The following THSD7B variants were observed in gnomAD, a reference collection of about 807,000 sequenced individuals.
THSD7B encodes thrombospondin type 1 domain containing 7B, also known as thrombospondin type-1 domain-containing protein 7B.
In THSD7B, 138 loss-of-function variants were observed where a neutral mutation model predicts 213.6. The observed-to-expected ratio is 0.65, with a 90% CI of 0.56 to 0.74. The LOEUF (loss-of-function observed/expected upper bound fraction) is 0.74. Among genes scored for constraint, THSD7B ranks in the 30% least tolerant of loss-of-function variants. The probability of loss-of-function intolerance (pLI) is 0.00; values close to 1 mark genes in which losing one functional copy is unlikely to be tolerated. For synonymous variants in THSD7B, 742 were observed against 687.0 expected (o/e 1.08, Z -1.25); for missense variants, 1,931 against 1,991.5 (o/e 0.97, Z 0.58).
intron 21 of THSD7B, among the ~76,000 whole-genome samples, chr2:137,651,311 A>G (rs1573766652): frequency 6.6e-6 from 1 of 152,006 alleles, no homozygotes; most frequent in South Asian, 2.1e-4. Context: ...TAGGTTGTGT[A>G]TGTCCAGGAA....
chr2:137,250,559 C>T (rs920386826), intron 10 of THSD7B, among the ~76,000 whole-genome samples: 10 of 152,190 alleles, frequency 6.6e-5, no homozygotes, highest in Admixed American at 3.3e-4. Context: ...ACCAAAACCA[C>T]ATGGAATCCT....
At chr2:137,431,601 TG>T (rs1444537463) in intron 14 of THSD7B, among the ~76,000 whole-genome samples, 1 of 152,226 alleles carries the variant, frequency 6.6e-6, no homozygotes, top group Non-Finnish European at 1.5e-5. Flanking sequence ...TGTAATGTTA[TG>T]CCAGAGTAAG....
chr2:136,830,123 C>T (rs1377382269), intron 1 of THSD7B, among the ~76,000 whole-genome samples: 4 of 151,338 alleles, frequency 2.6e-5, no homozygotes, highest in Non-Finnish European at 5.9e-5. Flanking sequence ...TGCCTGTGCG[C>T]GCACACACAC....
intron 1 of THSD7B, among the ~76,000 whole-genome samples, chr2:136,800,065 T>C (rs926650509): frequency 6.6e-6 from 1 of 152,064 alleles, no homozygotes; most frequent in African/African-American, 2.4e-5. Flanking sequence ...TGTGATGCTT[T>C]ATAGAAAATT....
chr2:137,482,398 T>C (rs1352602994), intron 15 of THSD7B, among the ~76,000 whole-genome samples: 2 of 152,238 alleles, frequency 1.3e-5, no homozygotes, highest in Admixed American at 6.5e-5. Flanking sequence ...TTTGTTTATT[T>C]ACTGTAGGAC....
At chr2:137,629,282 C>T (rs1209616142) in intron 20 of THSD7B, among the ~76,000 whole-genome samples, 2 of 152,136 alleles carry the variant, frequency 1.3e-5, no homozygotes, top group African/African-American at 4.8e-5. Context: ...TGCAAGGAGA[C>T]AAGAAATCTG....
rs556761387 is a variant in THSD7B, at chr2:137,582,623, G to A, written c.3423+10067G>A. On this transcript the variant is annotated intron_variant, in intron 17 of 27. Coordinates refer to ENST00000409968, the MANE Select transcript of THSD7B (RefSeq NM_001316349.2). ...TTTGTCCTTGTGATAGTTTGCTGAGGATGATGGTTTCCAGCTTCATCCACA... is the reference window on the plus strand; with the variant it reads ...TTTGTCCTTGTGATAGTTTGCTGAGAATGATGGTTTCCAGCTTCATCCACA... Among the ~76,000 whole-genome samples the A allele has an allele frequency of 3.9e-5, 6 of 151,994 alleles. No individual in the cohort carries two copies. The South Asian group carries it at 6.2e-4, about 16-fold the overall frequency.
At chr2:137,082,330 C>G (rs921092204) in intron 3 of THSD7B, among the ~76,000 whole-genome samples, 1 of 151,974 alleles carries the variant, frequency 6.6e-6, no homozygotes, top group African/African-American at 2.4e-5. Context: ...TGTTCTGTCT[C>G]TAGTAATGGA....
At chr2:137,189,698 G>A (rs749430126) in intron 7 of THSD7B, among the ~76,000 whole-genome samples, 4 of 151,710 alleles carry the variant, frequency 2.6e-5, no homozygotes, top group African/African-American at 7.3e-5. Context: ...TTTTTGTTGC[G>A]ATTGCTTTTA....
chr2:137,200,139 T>A (rs767535704), intron 7 of THSD7B, among the ~76,000 whole-genome samples: 36 of 152,178 alleles, frequency 2.4e-4, no homozygotes, highest in Non-Finnish European at 1.5e-4. Context: ...CCTTAGATGT[T>A]TCAGAAATAT....
At chr2:137,385,978 G>A (rs780833453) in intron 12 of THSD7B, among the ~76,000 whole-genome samples, 12 of 152,214 alleles carry the variant, frequency 7.9e-5, no homozygotes, top group Non-Finnish European at 1.3e-4. Context: ...GCAGCCTGAT[G>A]TAGTGTCATT....
intron 12 of THSD7B, among the ~76,000 whole-genome samples, chr2:137,390,983 G>A (rs937484924): frequency 1.3e-5 from 2 of 151,686 alleles, no homozygotes; most frequent in African/African-American, 4.8e-5. Context: ...TTGTAGTGTG[G>A]TATGGGGTGT....
intron 2 of THSD7B, among the ~76,000 whole-genome samples, chr2:137,007,925 G>A (rs1311862588): frequency 6.6e-6 from 1 of 152,034 alleles, no homozygotes; most frequent in African/African-American, 2.4e-5. Context: ...TATAAAACAT[G>A]GACAAATATG....
chr2:136,845,389 A>C (rs1682991078), intron 1 of THSD7B, among the ~76,000 whole-genome samples: 1 of 152,218 alleles, frequency 6.6e-6, no homozygotes, highest in South Asian at 2.1e-4. Context: ...AAGGATGAGA[A>C]GCCGTGATAA....
intron 3 of THSD7B, among the ~76,000 whole-genome samples, chr2:137,062,728 A>T (rs1438458025): frequency 6.6e-6 from 1 of 151,790 alleles, no homozygotes; most frequent in Non-Finnish European, 1.5e-5. Context: ...GCCCAGAAAT[A>T]TGGCTTATCT....
intron 12 of THSD7B, among the ~76,000 whole-genome samples, chr2:137,364,842 TC>T (rs1203454494): frequency 7.2e-5 from 11 of 152,096 alleles, no homozygotes; most frequent in African/African-American, 2.7e-4. Context: ...TTCAATGCCA[TC>T]CCCATCAAGC....
At chr2:137,214,825 G>A (rs1681200420) in intron 7 of THSD7B, among the ~76,000 whole-genome samples, 1 of 152,080 alleles carries the variant, frequency 6.6e-6, no homozygotes, top group African/African-American at 2.4e-5. Flanking sequence ...TCTTTATCCA[G>A]TCTATCGCTG....
intron 2 of THSD7B, among the ~76,000 whole-genome samples, chr2:137,043,327 T>A (rs1027053977): frequency 3.9e-5 from 6 of 152,184 alleles, no homozygotes; most frequent in Admixed American, 2.0e-4. Flanking sequence ...CTCTTTTTCC[T>A]GATAGGCTGG....
intron 5 of THSD7B, among the ~76,000 whole-genome samples, chr2:137,136,148 G>T (rs551424743): frequency 6.6e-6 from 1 of 152,066 alleles, no homozygotes. Flanking sequence ...GGGCCTGCTG[G>T]GGGGTGAGGG....
Sources: gnomAD v4.1 joint callset for allele counts (sites outside exome capture counted in the v4.1 genomes callset) on GRCh38, gnomAD v4.1.1 for gene constraint, MANE v1.5 for transcripts, NCBI Gene and HGNC (gene_info 2026-07-23, HGNC 2026-07-21) for gene names.